Variants in AFDN observed in about 807,000 individuals in gnomAD.
AFDN encodes afadin, adherens junction formation factor, also known as afadin.
AFDN carries 68 observed loss-of-function variants against 216.6 expected under a neutral mutation model. The observed-to-expected ratio is 0.31, with a 90% CI of 0.26 to 0.38. The LOEUF (loss-of-function observed/expected upper bound fraction) is 0.38. Ranked by LOEUF, AFDN falls within the 10% of genes least tolerant of loss-of-function variation. The probability of loss-of-function intolerance (pLI) is 1.00; values close to 1 mark genes in which losing one functional copy is unlikely to be tolerated. For missense variants in AFDN, 2,136 were observed against 2,342.0 expected (o/e 0.91, Z 1.82); for synonymous variants, 868 against 853.7 (o/e 1.02, Z -0.29).
intron 30 of AFDN, chr6:167,954,404 T>A: frequency 6.6e-7 from 1 of 1,511,330 alleles, no homozygotes; most frequent in South Asian, 1.3e-5. Context: ...TAAACCTAAC[T>A]TTTTTTTCCA....
intron 6 of AFDN, among the ~76,000 whole-genome samples, chr6:167,882,942 T>A (rs1443474810): frequency 6.6e-6 from 1 of 152,102 alleles, no homozygotes; most frequent in Non-Finnish European, 1.5e-5. Context: ...TGGCATGCCG[T>A]GTACTTTCAA....
chr6:167,900,788 T>C (rs1476919082), intron 11 of AFDN, among the ~76,000 whole-genome samples: 1 of 152,206 alleles, frequency 6.6e-6, no homozygotes, highest in Non-Finnish European at 1.5e-5. Context: ...TTACTCCTGT[T>C]GTCAGAGCCG....
chr6:167,957,163 TG>T (rs144616469), intron 30 of AFDN, among the ~76,000 whole-genome samples: 3,329 of 150,856 alleles, frequency 0.022, 121 homozygotes, highest in African/African-American at 0.077. Context: ...GCCACCTTTC[TG>T]GGGGGGCCCA....
At chr6:167,904,277 C>T (rs541499156) in intron 12 of AFDN, among the ~76,000 whole-genome samples, 21 of 151,864 alleles carry the variant, frequency 1.4e-4, no homozygotes, top group South Asian at 4.2e-4. Context: ...GGCATGATCT[C>T]GGCTCACTGC....
chr6:167,935,426 G>A (rs1007370241), intron 23 of AFDN, among the ~76,000 whole-genome samples: 1 of 152,184 alleles, frequency 6.6e-6, no homozygotes, highest in Non-Finnish European at 1.5e-5. Context: ...GTTCTCAGGG[G>A]CCTCCAGACG....
intron 31 of AFDN, chr6:167,964,510 G>A (rs1472886440): frequency 9.4e-7 from 1 of 1,065,650 alleles, no homozygotes; most frequent in East Asian, 5.0e-5. Flanking sequence ...CACAGAGCAA[G>A]AAGATTCAAT....
intron 1 of AFDN, among the ~76,000 whole-genome samples, chr6:167,861,044 G>A (rs755278076): frequency 6.6e-6 from 1 of 152,182 alleles, no homozygotes; most frequent in African/African-American, 2.4e-5. Context: ...CAAGCTAGGT[G>A]TTGGTGGTCA....
intron 1 of AFDN, among the ~76,000 whole-genome samples, chr6:167,845,069 C>A (rs1781512230): frequency 6.6e-6 from 1 of 151,926 alleles, no homozygotes; most frequent in Admixed American, 6.6e-5. Flanking sequence ...ACTATGTTGC[C>A]CACACTGGTC....
chr6:167,857,990 C>G (rs952137685), intron 1 of AFDN, among the ~76,000 whole-genome samples: 3 of 152,098 alleles, frequency 2.0e-5, no homozygotes, highest in Non-Finnish European at 4.4e-5. Flanking sequence ...GTGATAATTG[C>G]TTTTTTGTCA....
intron 30 of AFDN, among the ~76,000 whole-genome samples, chr6:167,955,685 T>G (rs1413906732): frequency 2.0e-5 from 3 of 152,218 alleles, no homozygotes; most frequent in Non-Finnish European, 4.4e-5. Flanking sequence ...AAGGTTTTTG[T>G]TCCATAGAAA....
intron 1 of AFDN, among the ~76,000 whole-genome samples, chr6:167,840,604 G>T (rs1420050773): frequency 6.6e-6 from 1 of 152,224 alleles, no homozygotes; most frequent in Non-Finnish European, 1.5e-5. Flanking sequence ...CAGCTTTGTT[G>T]TTGTAAGCTG....
intron 1 of AFDN, among the ~76,000 whole-genome samples, chr6:167,840,007 C>T (rs766210123): frequency 2.6e-5 from 4 of 152,066 alleles, no homozygotes; most frequent in Non-Finnish European, 5.9e-5. Context: ...ACTGCAGCTG[C>T]GGCAGAATCT....
At chr6:167,918,120 G>A (rs1213749652) in intron 20 of AFDN, among the ~76,000 whole-genome samples, 1 of 152,200 alleles carries the variant, frequency 6.6e-6, no homozygotes, top group Admixed American at 6.5e-5. Flanking sequence ...GAACAGAAGT[G>A]AACCTGGTGG....
intron 5 of AFDN, among the ~76,000 whole-genome samples, chr6:167,877,953 TTGACACTCAGTTATATTTGCTTCATGA>T (rs755906369): frequency 1.5e-4 from 23 of 152,216 alleles, no homozygotes; most frequent in Non-Finnish European, 2.6e-4. Flanking sequence ...CTTTGTGTTT[TTGACACTCAGTTATATTTGCTTCATGA>T]TGGCTTCAAA....
intron 23 of AFDN, among the ~76,000 whole-genome samples, chr6:167,932,965 C>T (rs573291745): frequency 4.0e-4 from 61 of 152,272 alleles, no homozygotes; most frequent in African/African-American, 1.4e-3. Context: ...TTCATAAAAA[C>T]ATAAGCCTTC....
chr6:167,963,653 G>T (rs1797254393), intron 31 of AFDN: 1 of 1,060,068 alleles, frequency 9.4e-7, no homozygotes, highest in South Asian at 4.6e-5. Context: ...TCTGCATTTT[G>T]TAGACCTTTG....
intron 2 of AFDN, among the ~76,000 whole-genome samples, chr6:167,867,531 G>A (rs1309898866): frequency 2.0e-5 from 3 of 150,810 alleles, no homozygotes; most frequent in East Asian, 2.0e-4. Context: ...CCGGGTTCAC[G>A]CGATTCTCCT....
At chr6:167,832,899 G>A (rs1336925110) in intron 1 of AFDN, among the ~76,000 whole-genome samples, 6 of 152,182 alleles carry the variant, frequency 3.9e-5, no homozygotes, top group Admixed American at 2.6e-4. Context: ...CCTTGTAAGC[G>A]TCACTCCTTT....
chr6:167,860,919 G>A (rs1387379652), intron 1 of AFDN, among the ~76,000 whole-genome samples: 1 of 152,174 alleles, frequency 6.6e-6, no homozygotes, highest in Non-Finnish European at 1.5e-5. Context: ...AACTTTTCTT[G>A]TACCTGTTGT....
Sources: gnomAD v4.1 joint callset for allele counts (sites outside exome capture counted in the v4.1 genomes callset) on GRCh38, gnomAD v4.1.1 for gene constraint, MANE v1.5 for transcripts, NCBI Gene and HGNC (gene_info 2026-07-23, HGNC 2026-07-21) for gene names.